Variants in AHI1 observed in about 807,000 individuals in gnomAD.
AHI1 encodes the protein Abelson helper integration site 1.
A neutral mutation model predicts 149.3 loss-of-function variants in AHI1; 123 were observed. The observed-to-expected ratio is 0.82, with a 90% CI of 0.71 to 0.96. The LOEUF is 0.96. AHI1 is among the 40% of genes least tolerant of loss of function. The probability of loss-of-function intolerance (pLI) is 0.00; values close to 1 mark genes in which losing one functional copy is unlikely to be tolerated. For missense variants in AHI1, 1,439 were observed against 1,422.7 expected (o/e 1.01, Z -0.18); for synonymous variants, 475 against 459.8 (o/e 1.03, Z -0.42).
chr6:135,347,731 C>T (rs1791447758), intron 24 of AHI1, among the ~76,000 whole-genome samples: 1 of 152,150 alleles, frequency 6.6e-6, no homozygotes, highest in Admixed American at 6.5e-5. Flanking sequence ...TTCTGTAGAA[C>T]ACCCACAGCT....
chr6:135,336,688 C>G (rs1378881504), intron 24 of AHI1, among the ~76,000 whole-genome samples: 2 of 152,286 alleles, frequency 1.3e-5, no homozygotes, highest in Non-Finnish European at 1.5e-5. Context: ...TTTTAGAACT[C>G]ATTAGCTCTA....
chr6:135,404,397 C>A (rs917772020), intron 22 of AHI1, among the ~76,000 whole-genome samples: 7 of 152,176 alleles, frequency 4.6e-5, no homozygotes, highest in Non-Finnish European at 4.4e-5. Context: ...GGACCTTGGG[C>A]AAATCACTCA....
At chr6:135,481,362 G>C (rs935013457) in intron 5 of AHI1, among the ~76,000 whole-genome samples, 3 of 152,160 alleles carry the variant, frequency 2.0e-5, no homozygotes, top group Admixed American at 1.3e-4. Flanking sequence ...CAAAATGCTT[G>C]AGACAAAAAG....
At chr6:135,481,119 C>T (rs1369775591) in intron 5 of AHI1, among the ~76,000 whole-genome samples, 1 of 152,198 alleles carries the variant, frequency 6.6e-6, no homozygotes, top group East Asian at 1.9e-4. Flanking sequence ...ACACATTCAG[C>T]CCCCTTGGCA....
At chr6:135,438,697 A>C (rs1301467785) in intron 14 of AHI1, among the ~76,000 whole-genome samples, 199 bp from the exon 15 acceptor site, 5 of 152,070 alleles carry the variant, frequency 3.3e-5, no homozygotes, top group Non-Finnish European at 7.4e-5. Flanking sequence ...TCACATGCAA[A>C]ATTTTCAGTT....
At chr6:135,364,516 A>G (rs6904496) in intron 23 of AHI1, among the ~76,000 whole-genome samples, 85,022 of 132,996 alleles carry the variant, frequency 0.64, 27,334 homozygotes, top group African/African-American at 0.88. Context: ...CTGCAATCTC[A>G]GCACTTTGGG....
At chr6:135,347,940 A>C (rs1236752585) in intron 24 of AHI1, among the ~76,000 whole-genome samples, 5 of 152,354 alleles carry the variant, frequency 3.3e-5, no homozygotes, top group African/African-American at 1.2e-4. Context: ...GTTTGATTTA[A>C]ACTACAGAAT....
intron 26 of AHI1, among the ~76,000 whole-genome samples, chr6:135,310,779 C>T (rs1275024294): frequency 1.3e-5 from 2 of 152,094 alleles, no homozygotes; most frequent in Non-Finnish European, 2.9e-5. Context: ...TCTGTGCATA[C>T]TTATTACTGT....
intron 26 of AHI1, chr6:135,301,634 T>G: frequency 2.0e-5 from 20 of 985,422 alleles, no homozygotes; most frequent in Non-Finnish European, 2.4e-5. Flanking sequence ...CTGTAGAGCT[T>G]TAAGTCAAGC....
chr6:135,430,007 T>A lies in AHI1; in HGVS notation c.2374-7A>T, dbSNP rs1322672986. 4 of 1,459,760 alleles carry A rather than the reference T, an allele frequency of 2.7e-6. No homozygotes were observed. In the Admixed American group the frequency reaches 8.5e-5, roughly 31 times the overall value. 90.4% of individuals were successfully genotyped at this position (1,459,760 alleles called of 1,614,324 possible). On this transcript the variant is annotated splice_polypyrimidine_tract_variant and splice_region_variant and intron_variant, in intron 17 of 28. Transcript: ENST00000265602. ...ACTCAGTTTCTTTAATTTCCTAAAA[T>A]GATTAAAAAAAATACTACTACTGAA...
intron 25 of AHI1, among the ~76,000 whole-genome samples, chr6:135,321,182 G>C (rs1284104213): frequency 6.6e-6 from 1 of 152,110 alleles, no homozygotes; most frequent in East Asian, 1.9e-4. Context: ...AGGACTGCTT[G>C]AGCCCGGGAG....
chr6:135,318,642 T>C lies in AHI1; in HGVS notation c.3329-26A>G, dbSNP rs767390315. Reference sequence around the variant, plus strand: ...CTGAAATTGGAAAAAGGAATTCATGTAATCAAATTGAGGAGCACTGCTCCA... The same window carrying C: ...CTGAAATTGGAAAAAGGAATTCATGCAATCAAATTGAGGAGCACTGCTCCA... On this transcript the variant is annotated intron_variant, in intron 25 of 28. Transcript: ENST00000265602. 16 of 1,499,112 alleles carry C rather than the reference T, an allele frequency of 1.1e-5. No homozygotes were observed. In the African/African-American group the frequency reaches 1.8e-4, roughly 17 times the overall value. 92.9% of individuals were successfully genotyped at this position (1,499,112 alleles called of 1,614,324 possible). A position where few individuals can be genotyped will look rare whatever the true frequency, so the allele number is the denominator to read the frequency against.
At chr6:135,290,913 A>AACACACAC (rs574033007) in intron 27 of AHI1, among the ~76,000 whole-genome samples, 4,138 of 146,218 alleles carry the variant, frequency 0.028, 192 homozygotes, top group African/African-American at 0.087. Context: ...AACACACACA[A>AACACACAC]ACACACACAC....
intron 28 of AHI1, among the ~76,000 whole-genome samples, chr6:135,288,484 A>G (rs1365179742): frequency 2.0e-5 from 3 of 152,058 alleles, no homozygotes; most frequent in Non-Finnish European, 4.4e-5. Flanking sequence ...AAGTAGATAA[A>G]TTAGAAAATG....
At chr6:135,363,206 T>G (rs941841313) in intron 23 of AHI1, among the ~76,000 whole-genome samples, 1 of 150,802 alleles carries the variant, frequency 6.6e-6, no homozygotes, top group Non-Finnish European at 1.5e-5. Context: ...CCTTCCGCAG[T>G]GTTTGTGTCC....
chr6:135,384,980 T>C (rs958551569), intron 23 of AHI1, among the ~76,000 whole-genome samples: 12 of 152,202 alleles, frequency 7.9e-5, no homozygotes, highest in African/African-American at 2.9e-4. Context: ...TACCAGCTAC[T>C]TGGGAGGCTG....
intron 26 of AHI1, chr6:135,302,837 C>G (rs1468917625): frequency 7.8e-7 from 1 of 1,288,590 alleles, no homozygotes; most frequent in Admixed American, 2.3e-5. Flanking sequence ...AAAAAGCCCC[C>G]AAGGCTGGTG....
chr6:135,349,017 G>A (rs137966474), intron 24 of AHI1, among the ~76,000 whole-genome samples: 2,622 of 152,248 alleles, frequency 0.017, 44 homozygotes, highest in Middle Eastern at 0.051. Context: ...AAGGAGTTAT[G>A]TTCAATAACA....
chr6:135,308,093 C>T (rs968807081), intron 26 of AHI1, among the ~76,000 whole-genome samples: 2 of 152,116 alleles, frequency 1.3e-5, no homozygotes, highest in African/African-American at 2.4e-5. Context: ...GAAGACACAA[C>T]GACTGATACT....
Sources: gnomAD v4.1 joint callset for allele counts (sites outside exome capture counted in the v4.1 genomes callset) on GRCh38, gnomAD v4.1.1 for gene constraint, MANE v1.5 for transcripts, NCBI Gene and HGNC (gene_info 2026-07-23, HGNC 2026-07-21) for gene names.